Variants in EFHC2 observed in about 807,000 individuals in gnomAD.
The protein encoded by EFHC2 is EF-hand domain-containing family member C2.
In EFHC2, 18 loss-of-function variants were observed where a neutral mutation model predicts 52.7. The ratio of observed to expected loss-of-function variants is 0.34; its 90% CI spans 0.24 to 0.51. The LOEUF is 0.51. EFHC2 is among the 20% of genes least tolerant of loss of function. The pLI is 0.97. For missense variants in EFHC2, 513 were observed against 562.5 expected (o/e 0.91, Z 0.89); for synonymous variants, 203 against 204.1 (o/e 0.99, Z 0.04).
intron 11 of EFHC2, among the ~76,000 whole-genome samples, chrX:44,192,586 G>T (rs771855425): frequency 9.0e-6 from 1 of 110,787 alleles, no homozygotes; most frequent in Non-Finnish European, 1.9e-5. Flanking sequence ...TTTTTTAAAC[G>T]ATCTTTGATT....
At chrX:44,288,879 CTG>C (rs1190055457) in intron 2 of EFHC2, among the ~76,000 whole-genome samples, 2 of 111,929 alleles carry the variant, frequency 1.8e-5, no homozygotes, top group African/African-American at 6.5e-5. Flanking sequence ...ACAAATGTGT[CTG>C]TAATTATAAC....
intron 1 of EFHC2, among the ~76,000 whole-genome samples, chrX:44,335,903 T>C (rs1376822542): frequency 8.9e-6 from 1 of 112,231 alleles, no homozygotes; most frequent in Non-Finnish European, 1.9e-5. Flanking sequence ...CCAGACTATA[T>C]TAAAAATGAC....
intron 10 of EFHC2, 74 bp from the exon 11 acceptor site, chrX:44,229,853 C>A: frequency 9.8e-7 from 1 of 1,017,096 alleles, no homozygotes; most frequent in Non-Finnish European, 1.3e-6. Context: ...TTGCTGATGG[C>A]CAGCAAAGGG....
chrX:44,275,486 C>T (rs1383037776), intron 2 of EFHC2, among the ~76,000 whole-genome samples: 1 of 110,658 alleles, frequency 9.0e-6, no homozygotes, highest in Non-Finnish European at 1.9e-5. Flanking sequence ...GATCTAATTG[C>T]AATGGAACTT....
chrX:44,178,137 A>ACACACACACACACACACC (rs2036804015), intron 12 of EFHC2, among the ~76,000 whole-genome samples: 1 of 103,797 alleles, frequency 9.6e-6, no homozygotes, highest in African/African-American at 3.8e-5. Flanking sequence ...TATCACACAC[A>ACACACACACACACACACC]CACACACACA....
At chrX:44,210,019 T>C (rs1036106477) in intron 11 of EFHC2, among the ~76,000 whole-genome samples, 1 of 109,921 alleles carries the variant, frequency 9.1e-6, no homozygotes, top group African/African-American at 3.3e-5. Flanking sequence ...AATTATTATA[T>C]ATTATAATGT....
At chrX:44,298,268 T>A (rs1274231637) in intron 2 of EFHC2, among the ~76,000 whole-genome samples, 1 of 112,000 alleles carries the variant, frequency 8.9e-6, no homozygotes, top group Non-Finnish European at 1.9e-5. Flanking sequence ...AGTATATTAT[T>A]ACATGAATTT....
chrX:44,289,297 A>C (rs1036058477), intron 2 of EFHC2, among the ~76,000 whole-genome samples: 4 of 111,811 alleles, frequency 3.6e-5, no homozygotes, highest in Middle Eastern at 4.6e-3. Context: ...AATTTGCTTT[A>C]TCTCTTAATT....
intron 11 of EFHC2, among the ~76,000 whole-genome samples, chrX:44,200,961 G>A (rs747446697): frequency 1.2e-3 from 133 of 111,847 alleles, no homozygotes; most frequent in African/African-American, 4.0e-3. Flanking sequence ...TTATGTACCC[G>A]TTTAAACTTC....
At chrX:44,157,664 G>A (rs1259633848) in intron 14 of EFHC2, among the ~76,000 whole-genome samples, 3 of 110,105 alleles carry the variant, frequency 2.7e-5, no homozygotes, top group Non-Finnish European at 5.7e-5. Context: ...CAGCTCCTCT[G>A]CTGGGCTCCA....
chrX:44,162,970 T>G (rs1330075341), intron 14 of EFHC2, among the ~76,000 whole-genome samples: 1 of 112,223 alleles, frequency 8.9e-6, no homozygotes, highest in Non-Finnish European at 1.9e-5. Context: ...CTGATTTATC[T>G]GGGGATTACA....
intron 1 of EFHC2, 150 bp downstream of exon 1, chrX:44,343,397 G>A: frequency 1.7e-6 from 1 of 577,442 alleles, no homozygotes; most frequent in Non-Finnish European, 2.8e-6. Flanking sequence ...GATGGGAGAA[G>A]CAGCCTATAA....
chrX:44,232,828 T>C (rs764994539), intron 9 of EFHC2, among the ~76,000 whole-genome samples, 151 bp from the exon 10 acceptor site: 1 of 111,165 alleles, frequency 9.0e-6, no homozygotes, highest in Non-Finnish European at 1.9e-5. Flanking sequence ...AAGGGAAGAA[T>C]GAGGCAGTGA....
At chrX:44,206,323 C>T (rs1602150840) in intron 11 of EFHC2, among the ~76,000 whole-genome samples, 1 of 111,554 alleles carries the variant, frequency 9.0e-6, no homozygotes, top group East Asian at 2.8e-4. Flanking sequence ...CCGCTCTCTC[C>T]ACTTCTATTC....
intron 7 of EFHC2, among the ~76,000 whole-genome samples, chrX:44,246,690 A>G (rs975555113): frequency 9.0e-6 from 1 of 111,437 alleles, no homozygotes. Context: ...AAAATTTTCT[A>G]GAGAAGCCGT....
intron 13 of EFHC2, among the ~76,000 whole-genome samples, chrX:44,165,284 T>C (rs2036688038): frequency 1.8e-5 from 2 of 112,043 alleles, no homozygotes; most frequent in African/African-American, 6.5e-5. Context: ...CTCATCAATC[T>C]AGACAAAATG....
intron 14 of EFHC2, among the ~76,000 whole-genome samples, chrX:44,162,134 C>A (rs2036659916): frequency 8.9e-6 from 1 of 111,924 alleles, no homozygotes; most frequent in African/African-American, 3.3e-5. Flanking sequence ...AGGACAAGAG[C>A]CTCCATGGCC....
At chrX:44,309,757 G>T in intron 2 of EFHC2, 1 of 980,169 alleles carries the variant, frequency 1.0e-6, no homozygotes, top group Non-Finnish European at 1.5e-6. Context: ...GAATATCGAT[G>T]CAAAAGAACC....
At chrX:44,230,454 T>C (rs761948951) in intron 10 of EFHC2, among the ~76,000 whole-genome samples, 2 of 111,695 alleles carry the variant, frequency 1.8e-5, no homozygotes, top group Non-Finnish European at 3.8e-5. Context: ...GATCCCTCTC[T>C]CCCACCAGAA....
Sources: allele counts gnomAD v4.1 joint callset (sites outside exome capture counted in the v4.1 genomes callset), GRCh38; gene constraint gnomAD v4.1.1; transcripts MANE v1.5; gene names NCBI Gene and HGNC (gene_info 2026-07-23, HGNC 2026-07-21).